The following CD99L2 variants were observed in gnomAD, a reference collection of about 807,000 sequenced individuals.
CD99L2 encodes CD99 antigen-like protein 2.
In CD99L2, 24 loss-of-function variants were observed where a neutral mutation model predicts 27.3. The observed-to-expected ratio is 0.88, with a 90% CI of 0.64 to 1.24. The LOEUF (loss-of-function observed/expected upper bound fraction) is 1.24. Among genes scored for constraint, CD99L2 ranks in the 50% most tolerant of loss-of-function variants. The pLI is 0.00. For synonymous variants in CD99L2, 97 were observed against 87.9 expected, an observed-to-expected ratio of 1.10 and a Z score of -0.58; for missense variants, 255 against 221.6, an observed-to-expected ratio of 1.15 and a Z score of -0.96.
chrX:150,844,625 C>A (rs2046672681), intron 1 of CD99L2, among the ~76,000 whole-genome samples: 1 of 112,459 alleles, frequency 8.9e-6, no homozygotes, highest in South Asian at 3.7e-4. Context: ...TCTGGACTTG[C>A]TAAGCACTGC....
intron 4 of CD99L2, among the ~76,000 whole-genome samples, chrX:150,805,778 G>A (rs34323820): frequency 0.21 from 23,668 of 110,716 alleles, 2,155 homozygotes; most frequent in African/African-American, 0.35. Context: ...TGTTGAGTGA[G>A]AAAAGCCAGT....
At position 150,778,673 on chromosome X, in the gene CD99L2, TAA is replaced by T. The variant is rs1195688468; in HGVS notation, c.497-1193_497-1192del. On this transcript the variant is annotated intron_variant, in intron 7 of 10. Transcript: ENST00000370377. ...ATGTACCCTACAACTTAAAGTATAATAAAAAAAAAAAAATATATATATATATA... is the reference window on the plus strand; with the variant it reads ...ATGTACCCTACAACTTAAAGTATAATAAAAAAAAAAATATATATATATATA... 4.4e-3 allele frequency among the ~76,000 whole-genome samples: 296 copies of T among 67,916 alleles called. 1 individual carries two copies. The highest frequency in any genetic ancestry group is 0.012 in the African/African-American group (255 of 20,483). 59.0% of individuals were successfully genotyped at this position (67,916 alleles called of 115,157 possible).
At chrX:150,769,341 GCGTGTTCC>G (rs2043371873) in intron 10 of CD99L2, among the ~76,000 whole-genome samples, 3 of 112,124 alleles carry the variant, frequency 2.7e-5, no homozygotes, top group Non-Finnish European at 5.6e-5. Flanking sequence ...TAAAAAATGA[GCGTGTTCC>G]TGCCAGCGCT....
At chrX:150,778,674 A>T (rs797024999) in intron 7 of CD99L2, among the ~76,000 whole-genome samples, 96 of 40,673 alleles carry the variant, frequency 2.4e-3, no homozygotes, top group Non-Finnish European at 4.0e-3. Context: ...AAAGTATAAT[A>T]AAAAAAAAAA....
At chrX:150,801,757 G>A (rs146241156) in intron 4 of CD99L2, among the ~76,000 whole-genome samples, 1,472 of 112,324 alleles carry the variant, frequency 0.013, 19 homozygotes, top group Middle Eastern at 0.057. Flanking sequence ...AGTCAGGCAA[G>A]TTGGATCAAT....
rs1196411671 is a variant in CD99L2 at position 150,767,040 on chromosome X, T to G, written c.*1994A>C. 5.4e-5 allele frequency: 6 copies of G among 111,985 alleles called. No homozygotes were observed. Among genetic ancestry groups the G allele is most frequent in the African/African-American group, 2.0e-4 (6 of 30,731 alleles). 9.2% of individuals were successfully genotyped at this position (111,985 alleles called of 1,213,427 possible). ...GTCACAGCTCTAGGGTTTCAAGGAC[T>G]TAGCCATCCGACAGGCCTCACCATA... On this transcript the variant is annotated 3_prime_UTR_variant, in exon 11 of 11. Coordinates refer to ENST00000370377, the MANE Select transcript of CD99L2 (RefSeq NM_031462.4).
intron 1 of CD99L2, among the ~76,000 whole-genome samples, chrX:150,889,843 A>C (rs2047474058): frequency 8.9e-6 from 1 of 112,605 alleles, no homozygotes; most frequent in African/African-American, 3.2e-5. Flanking sequence ...CCATTCTTTC[A>C]TTCTTTTACT....
chrX:150,795,937 AAC>A lies in CD99L2; in HGVS notation c.278-453_278-452del, dbSNP rs781955458. On this transcript the variant is annotated intron_variant, in intron 4 of 10. Coordinates refer to ENST00000370377, the MANE Select transcript of CD99L2 (RefSeq NM_031462.4). ...TATCTTATACACGGAAAGTGCTTAC[AAC>A]ACACACATATATAATTTTATATAAC... 1.1e-4 allele frequency among the ~76,000 whole-genome samples: 12 copies of A among 112,679 alleles called. No homozygotes were observed. The South Asian group carries it at 4.4e-3, about 41-fold the overall frequency.
chrX:150,776,069 G>C, intron 9 of CD99L2, 105 bp downstream of exon 9: 1 of 1,026,703 alleles, frequency 9.7e-7, no homozygotes, highest in Non-Finnish European at 1.3e-6. Context: ...CTGCTTGGGA[G>C]TGGGTCTCAG....
chrX:150,770,439 T>C lies in CD99L2; in HGVS notation c.656-70A>G. On this transcript the variant is annotated intron_variant, in intron 9 of 10. Coordinates refer to ENST00000370377, the MANE Select transcript of CD99L2 (RefSeq NM_031462.4). Reference sequence around the variant, plus strand: ...AGGGTCCCCAATCGTGACTGAGAACTCCTGACCAAGTCCTCTGCAGCTAAA... The same window carrying C: ...AGGGTCCCCAATCGTGACTGAGAACCCCTGACCAAGTCCTCTGCAGCTAAA... 6 of 1,014,213 alleles carry C rather than the reference T, an allele frequency of 5.9e-6. No individual in the cohort carries two copies. In the Admixed American group the frequency reaches 1.4e-4, roughly 23 times the overall value. 83.6% of individuals were successfully genotyped at this position (1,014,213 alleles called of 1,213,427 possible). A position where few individuals can be genotyped will look rare whatever the true frequency, so the allele number is the denominator to read the frequency against.
intron 1 of CD99L2, among the ~76,000 whole-genome samples, chrX:150,886,262 T>C (rs782517677): frequency 3.6e-5 from 4 of 112,289 alleles, no homozygotes; most frequent in East Asian, 5.6e-4. Flanking sequence ...TGTGGCCACA[T>C]AGCAATATAT....
intron 1 of CD99L2, among the ~76,000 whole-genome samples, chrX:150,839,693 C>T (rs1472778433): frequency 1.8e-5 from 2 of 108,736 alleles, no homozygotes; most frequent in African/African-American, 6.7e-5. Flanking sequence ...CATAGGGAGA[C>T]TCCATCTCAA....
At position 150,775,652 on chromosome X, in the gene CD99L2, G is replaced by A. The variant is rs1285199773; in HGVS notation, c.655+522C>T. ...TTCCATACAGTTTGTGGCTCGTAGGGGGAAGAGCACCAGGCAGTGACTTCT... is the reference window on the plus strand; with the variant it reads ...TTCCATACAGTTTGTGGCTCGTAGGAGGAAGAGCACCAGGCAGTGACTTCT... On this transcript the variant is annotated intron_variant, in intron 9 of 10. Transcript: ENST00000370377. 2.7e-5 allele frequency among the ~76,000 whole-genome samples: 3 copies of A among 112,383 alleles called. No homozygotes were observed. The Admixed American group carries it at 2.8e-4, about 10-fold the overall frequency.
intron 8 of CD99L2, 21 bp downstream of exon 8, chrX:150,777,422 GC>G (rs2043576977): frequency 8.3e-7 from 1 of 1,209,067 alleles, no homozygotes; most frequent in Non-Finnish European, 1.1e-6. Flanking sequence ...GCCAACAGGA[GC>G]CTCAGGATTC....
intron 1 of CD99L2, 126 bp downstream of exon 1, chrX:150,898,396 G>C (rs1279269211): frequency 3.0e-5 from 14 of 463,224 alleles, no homozygotes; most frequent in Non-Finnish European, 3.3e-5. Context: ...TCGCACAGCC[G>C]GGCCGGCCGG....
chrX:150,824,385 AAG>A (rs2046312157), intron 2 of CD99L2, among the ~76,000 whole-genome samples: 1 of 72,349 alleles, frequency 1.4e-5, no homozygotes. Flanking sequence ...AAGAAGAAAG[AAG>A]AAGAAGAAGA....
At chrX:150,784,422 C>T (rs1339194398) in intron 7 of CD99L2, among the ~76,000 whole-genome samples, 2 of 111,457 alleles carry the variant, frequency 1.8e-5, no homozygotes, top group African/African-American at 6.5e-5. Flanking sequence ...GACCTGAGGC[C>T]ACACAGAAGC....
At chrX:150,872,542 T>TAA (rs782797816) in intron 1 of CD99L2, among the ~76,000 whole-genome samples, 4,508 of 83,857 alleles carry the variant, frequency 0.054, 162 homozygotes, top group African/African-American at 0.11. Context: ...CTCAATATGT[T>TAA]AAAAAAAAAA....
chrX:150,788,327 C>G (rs1349010895), intron 7 of CD99L2, among the ~76,000 whole-genome samples: 4 of 111,388 alleles, frequency 3.6e-5, no homozygotes, highest in Non-Finnish European at 7.5e-5. Context: ...GATTGTTTGT[C>G]TTTTCATTGT....
Sources: gnomAD v4.1 joint callset for allele counts (sites outside exome capture counted in the v4.1 genomes callset) on GRCh38, gnomAD v4.1.1 for gene constraint, MANE v1.5 for transcripts, NCBI Gene and HGNC (gene_info 2026-07-23, HGNC 2026-07-21) for gene names.